The following KCNIP4 variants were observed in gnomAD, a reference collection of about 807,000 sequenced individuals.
The protein encoded by KCNIP4 is Kv channel-interacting protein 4.
A neutral mutation model predicts 34.0 loss-of-function variants in KCNIP4; 12 were observed. The ratio of observed to expected loss-of-function variants is 0.35; its 90% CI spans 0.23 to 0.57. The LOEUF is 0.57. Ranked by LOEUF, KCNIP4 falls within the 20% of genes least tolerant of loss-of-function variation. The pLI is 0.83. For missense variants in KCNIP4, 238 were observed against 311.7 expected (o/e 0.76, Z 1.78); for synonymous variants, 124 against 102.2 (o/e 1.21, Z -1.29).
intron 1 of KCNIP4, among the ~76,000 whole-genome samples, chr4:21,789,255 T>C (rs944776737): frequency 6.6e-6 from 1 of 152,210 alleles, no homozygotes; most frequent in Non-Finnish European, 1.5e-5. Flanking sequence ...CTTAGTTGTA[T>C]AAATTTTCAT....
At chr4:20,765,150 C>T (rs903123023) in intron 3 of KCNIP4, among the ~76,000 whole-genome samples, 4 of 152,188 alleles carry the variant, frequency 2.6e-5, no homozygotes, top group Non-Finnish European at 5.9e-5. Context: ...ACTGGAGATA[C>T]AGGAATGAGT....
intron 1 of KCNIP4, among the ~76,000 whole-genome samples, chr4:21,469,795 T>C (rs1223740915): frequency 6.6e-6 from 1 of 152,144 alleles, no homozygotes; most frequent in African/African-American, 2.4e-5. Flanking sequence ...GTACATGTGA[T>C]AATACCGAAA....
chr4:21,489,336 A>AC (rs1453686479), intron 1 of KCNIP4, among the ~76,000 whole-genome samples: 3 of 151,748 alleles, frequency 2.0e-5, no homozygotes, highest in Admixed American at 2.0e-4. Context: ...AAAAAAAAAA[A>AC]AACTCCTTCC....
At chr4:20,752,796 C>T in intron 4 of KCNIP4, 1 of 152,186 alleles carries the variant, frequency 6.6e-6, no homozygotes, top group East Asian at 1.9e-4. Flanking sequence ...AGGCAGAAAA[C>T]TGGATAAAAT....
chr4:20,937,728 A>G (rs62296169), intron 1 of KCNIP4, among the ~76,000 whole-genome samples: 1 of 152,188 alleles, frequency 6.6e-6, no homozygotes, highest in East Asian at 1.9e-4. Context: ...TTAAGTAAAA[A>G]TTAGAGTCTG....
At chr4:21,368,150 G>A (rs1719972262) in intron 1 of KCNIP4, among the ~76,000 whole-genome samples, 2 of 146,758 alleles carry the variant, frequency 1.4e-5, no homozygotes, top group South Asian at 2.1e-4. Context: ...ACTTTGATTA[G>A]GGTAGTGATA....
chr4:21,284,663 G>A (rs1762991294), intron 1 of KCNIP4, among the ~76,000 whole-genome samples: 4 of 152,106 alleles, frequency 2.6e-5, no homozygotes, highest in Admixed American at 1.3e-4. Flanking sequence ...GGAAAGCAGA[G>A]TTTTTCCTGT....
chr4:20,884,387 T>A (rs1289437407), intron 1 of KCNIP4, among the ~76,000 whole-genome samples: 2 of 151,966 alleles, frequency 1.3e-5, no homozygotes, highest in Non-Finnish European at 2.9e-5. Flanking sequence ...TCCTTAATAT[T>A]TCCCTCCCCT....
At chr4:21,607,836 T>C (rs1560557658) in intron 1 of KCNIP4, among the ~76,000 whole-genome samples, 1 of 152,094 alleles carries the variant, frequency 6.6e-6, no homozygotes, top group African/African-American at 2.4e-5. Context: ...TTTCAGAACA[T>C]AGTCACATAG....
chr4:21,173,639 T>G (rs1013128501), intron 1 of KCNIP4, among the ~76,000 whole-genome samples: 1 of 152,126 alleles, frequency 6.6e-6, no homozygotes, highest in African/African-American at 2.4e-5. Flanking sequence ...AGAAAAGAAT[T>G]GCTCTGCCCA....
chr4:21,612,795 T>C (rs953516123), intron 1 of KCNIP4, among the ~76,000 whole-genome samples: 1 of 152,162 alleles, frequency 6.6e-6, no homozygotes, highest in African/African-American at 2.4e-5. Context: ...GGCAGCTTGA[T>C]AGAGGGTAAA....
intron 3 of KCNIP4, among the ~76,000 whole-genome samples, chr4:20,779,468 G>A (rs1027798301): frequency 3.3e-5 from 5 of 152,028 alleles, no homozygotes; most frequent in South Asian, 4.2e-4. Flanking sequence ...CCTAGAGTTC[G>A]GTGACCCCAG....
chr4:21,405,300 G>T (rs57585443), intron 1 of KCNIP4, among the ~76,000 whole-genome samples: 31,487 of 152,070 alleles, frequency 0.21, 3,692 homozygotes, highest in Middle Eastern at 0.3. Context: ...TCATTGCTTT[G>T]GTAGCTATAC....
At chr4:21,865,907 A>T (rs1358817206) in intron 1 of KCNIP4, among the ~76,000 whole-genome samples, 2 of 130,704 alleles carry the variant, frequency 1.5e-5, no homozygotes, top group African/African-American at 5.0e-5. Context: ...ATTTGCCACC[A>T]TATATATATA....
intron 1 of KCNIP4, among the ~76,000 whole-genome samples, chr4:21,184,025 G>T (rs903196587): frequency 1.3e-5 from 2 of 151,986 alleles, no homozygotes; most frequent in African/African-American, 4.8e-5. Context: ...GTATATTGCT[G>T]CTTGTTTTCT....
At chr4:21,003,834 T>G (rs553377083) in intron 1 of KCNIP4, among the ~76,000 whole-genome samples, 1 of 152,184 alleles carries the variant, frequency 6.6e-6, no homozygotes, top group Non-Finnish European at 1.5e-5. Flanking sequence ...AAAGTTAAGA[T>G]GCTAATTCTG....
At chr4:21,828,346 C>T (rs1235540775) in intron 1 of KCNIP4, among the ~76,000 whole-genome samples, 4 of 151,602 alleles carry the variant, frequency 2.6e-5, no homozygotes, top group African/African-American at 9.7e-5. Context: ...ATATGAAAAA[C>T]TTAAGATATT....
chr4:21,803,433 A>T (rs1203849926), intron 1 of KCNIP4, among the ~76,000 whole-genome samples: 1 of 152,110 alleles, frequency 6.6e-6, no homozygotes, highest in East Asian at 1.9e-4. Flanking sequence ...AACATCCAAA[A>T]ATCTTTGTAC....
At chr4:21,514,418 A>T (rs1349902838) in intron 1 of KCNIP4, among the ~76,000 whole-genome samples, 1 of 152,344 alleles carries the variant, frequency 6.6e-6, no homozygotes, top group East Asian at 1.9e-4. Context: ...AAAAGGACAG[A>T]TATTTTAGAA....
Sources: allele counts gnomAD v4.1 joint callset (sites outside exome capture counted in the v4.1 genomes callset), GRCh38; gene constraint gnomAD v4.1.1; transcripts MANE v1.5; gene names NCBI Gene and HGNC (gene_info 2026-07-23, HGNC 2026-07-21).